HAO1: variants seen among roughly 807,000 people sequenced by gnomAD.
HAO1 encodes the protein hydroxyacid oxidase 1.
A neutral mutation model predicts 39.7 loss-of-function variants in HAO1; 34 were observed. The ratio of observed to expected loss-of-function variants is 0.86; its 90% CI spans 0.65 to 1.14. The LOEUF is 1.14. Among genes scored for constraint, HAO1 ranks in the 50% most tolerant of loss-of-function variants. The pLI, the probability that HAO1 is intolerant of heterozygous loss-of-function variation, is 0.00. For missense variants in HAO1, 479 were observed against 464.5 expected, an observed-to-expected ratio of 1.03 and a Z score of -0.29; for synonymous variants, 172 against 173.2, an observed-to-expected ratio of 0.99 and a Z score of 0.05.
chr20:7,939,797 G>A (rs1392765363), intron 1 of HAO1, among the ~76,000 whole-genome samples: 5 of 152,132 alleles, frequency 3.3e-5, no homozygotes, highest in African/African-American at 4.8e-5. Flanking sequence ...ATGCTGCATA[G>A]ACAAATTGAA....
chr20:7,926,801 G>T (rs1345504205), intron 2 of HAO1, among the ~76,000 whole-genome samples: 1 of 151,954 alleles, frequency 6.6e-6, no homozygotes, highest in Non-Finnish European at 1.5e-5. Flanking sequence ...ATGGTTTTAT[G>T]GCCCATCAAA....
chr20:7,886,137 CA>C (rs997635848), intron 5 of HAO1, among the ~76,000 whole-genome samples: 4 of 151,962 alleles, frequency 2.6e-5, no homozygotes, highest in African/African-American at 9.7e-5. Context: ...AGATTGTCAT[CA>C]AAAAATTATA....
At chr20:7,934,833 A>C (rs1328620889) in intron 1 of HAO1, among the ~76,000 whole-genome samples, 198 bp from the exon 2 acceptor site, 1 of 152,288 alleles carries the variant, frequency 6.6e-6, no homozygotes, top group East Asian at 1.9e-4. Flanking sequence ...AGGATAATGA[A>C]TTTCCCAAGC....
chr20:7,891,287 G>A (rs1422794783), intron 5 of HAO1, among the ~76,000 whole-genome samples: 1 of 152,130 alleles, frequency 6.6e-6, no homozygotes, highest in East Asian at 1.9e-4. Context: ...GCATTTCCCT[G>A]ATCATTAGTG....
rs1369125669 is a variant in HAO1, at chr20:7,906,257, A to T, written c.618T>A (p.Ala206=). 6.2e-7 allele frequency: 1 copy of T among 1,612,036 alleles called. No homozygotes were observed. The highest frequency in any genetic ancestry group is 8.5e-7 in the Non-Finnish European group (1 of 1,178,264). ...EENFGDDSGL[A]AYVAKAIDPS... is the part of the protein sequence containing the mutation. ...GGTCTATTGCTTTAGCCACATATGC[A>T]GCAAGTCCACTGTCGTCTCCAAAAT... Residue 206 remains alanine (A), a synonymous_variant, in exon 4 of 8, where the codon GCT becomes GCA. Transcript: ENST00000378789.
At chr20:7,897,588 C>A (rs1344216821) in intron 4 of HAO1, among the ~76,000 whole-genome samples, 1 of 151,982 alleles carries the variant, frequency 6.6e-6, no homozygotes, top group Non-Finnish European at 1.5e-5. Context: ...TATTCGACTT[C>A]CCCTTTTTTA....
intron 5 of HAO1, among the ~76,000 whole-genome samples, chr20:7,894,599 T>C (rs2050188546): frequency 6.6e-6 from 1 of 152,122 alleles, no homozygotes; most frequent in African/African-American, 2.4e-5. Flanking sequence ...GCAGCTCACT[T>C]CCCGTTGCCC....
chr20:7,903,446 G>A (rs1298069150), intron 4 of HAO1, among the ~76,000 whole-genome samples: 1 of 152,114 alleles, frequency 6.6e-6, no homozygotes, highest in African/African-American at 2.4e-5. Context: ...AGAAAAGAGA[G>A]GTGGTGATGA....
chr20:7,920,832 C>T, intron 2 of HAO1, among the ~76,000 whole-genome samples: 1 of 152,106 alleles, frequency 6.6e-6, no homozygotes, highest in East Asian at 1.9e-4. Context: ...CTATAACGAA[C>T]ATAGAAGTGC....
chr20:7,887,962 T>C (rs2050157739), intron 5 of HAO1, among the ~76,000 whole-genome samples: 1 of 152,150 alleles, frequency 6.6e-6, no homozygotes, highest in Admixed American at 6.6e-5. Flanking sequence ...TCAAACAGAT[T>C]AGATAAATAA....
At chr20:7,895,064 A>G in intron 5 of HAO1, 69 bp downstream of exon 5, 1 of 951,268 alleles carries the variant, frequency 1.1e-6, no homozygotes, top group Non-Finnish European at 1.7e-6. Context: ...GGAGGAAGAC[A>G]TAGAGATAGT....
Position 7,934,184 on chromosome 20 carries a change from A to G in HAO1, c.289+300T>C, listed in dbSNP as rs531913447. ...AGTTACTGAGCCCCTACTCTCTGCC[A>G]TGAACTTTGTATACCTGAACTCATT... On this transcript the variant is annotated intron_variant, in intron 2 of 7. Transcript: ENST00000378789. Among the ~76,000 whole-genome samples the G allele has an allele frequency of 2.1e-4, 32 of 152,300 alleles. 2 individuals are homozygous for G. The South Asian group carries it at 6.0e-3, about 29-fold the overall frequency.
chr20:7,908,493 A>AT (rs2050259980), intron 3 of HAO1, among the ~76,000 whole-genome samples: 1 of 152,040 alleles, frequency 6.6e-6, no homozygotes, highest in African/African-American at 2.4e-5. Context: ...GAAAACTATG[A>AT]TTTTTTACAC....
chr20:7,911,699 C>A (rs530771894), intron 3 of HAO1, among the ~76,000 whole-genome samples: 2 of 152,228 alleles, frequency 1.3e-5, no homozygotes, highest in Non-Finnish European at 2.9e-5. Flanking sequence ...GACCCTCCCC[C>A]ACACTTGGGC....
chr20:7,928,888 G>A (rs756764889), intron 2 of HAO1, among the ~76,000 whole-genome samples: 3 of 152,068 alleles, frequency 2.0e-5, no homozygotes, highest in African/African-American at 4.8e-5. Flanking sequence ...TTAAAAACCA[G>A]GAGATTGTAC....
chr20:7,893,465 C>A (rs1247970822), intron 5 of HAO1, among the ~76,000 whole-genome samples: 2 of 152,296 alleles, frequency 1.3e-5, no homozygotes, highest in Admixed American at 1.3e-4. Context: ...AGGAGTCATG[C>A]AGCTGTAGGC....
At chr20:7,900,374 G>A (rs1036111489) in intron 4 of HAO1, among the ~76,000 whole-genome samples, 2 of 152,026 alleles carry the variant, frequency 1.3e-5, no homozygotes, top group Non-Finnish European at 2.9e-5. Context: ...TTTAATTAAG[G>A]TATGTACAAT....
At position 7,883,096 on chromosome 20, in the gene HAO1, A is replaced by G. The variant is rs1020843615; in HGVS notation, c.*497T>C. On this transcript the variant is annotated 3_prime_UTR_variant, in exon 8 of 8. Transcript: ENST00000378789. The stretch of plus-strand genomic sequence containing the variant: ...GGAAATCTACATTCAAAGAAGTATC[A>G]CCAATTACCGCCACCCATTCCAATT... The G allele has an allele frequency of 6.3e-6, 1 of 158,038 alleles. No individual in the cohort carries two copies. The highest frequency in any genetic ancestry group is 2.4e-5 in the African/African-American group (1 of 41,528). 9.8% of individuals were successfully genotyped at this position (158,038 alleles called of 1,614,324 possible).
At chr20:7,928,781 C>T (rs777555539) in intron 2 of HAO1, among the ~76,000 whole-genome samples, 4 of 152,148 alleles carry the variant, frequency 2.6e-5, no homozygotes, top group Admixed American at 6.5e-5. Context: ...AGATGTACAG[C>T]CTAGGGGACA....
Sources: allele counts gnomAD v4.1 joint callset (sites outside exome capture counted in the v4.1 genomes callset), GRCh38; gene constraint gnomAD v4.1.1; transcripts MANE v1.5; gene names NCBI Gene and HGNC (gene_info 2026-07-23, HGNC 2026-07-21).